Variants in TBL1X observed in about 807,000 individuals in gnomAD.
The protein encoded by TBL1X is F-box-like/WD repeat-containing protein TBL1X.
A neutral mutation model predicts 50.7 loss-of-function variants in TBL1X; 10 were observed. The ratio of observed to expected loss-of-function variants is 0.20; its 90% CI spans 0.12 to 0.33. The LOEUF is 0.33. TBL1X is among the 10% of genes least tolerant of loss of function. The pLI is 1.00. For missense variants in TBL1X, 340 were observed against 504.4 expected (o/e 0.67, Z 3.12); for synonymous variants, 190 against 214.7 (o/e 0.88, Z 1.01).
intron 2 of TBL1X, among the ~76,000 whole-genome samples, chrX:9,547,648 C>T (rs748814948): frequency 1.8e-5 from 2 of 110,247 alleles, no homozygotes; most frequent in East Asian, 2.8e-4. Flanking sequence ...TTTCTGGGAC[C>T]GGAAGAGGTT....
intron 2 of TBL1X, among the ~76,000 whole-genome samples, chrX:9,576,276 G>T (rs1003069724): frequency 2.7e-5 from 3 of 112,250 alleles, no homozygotes; most frequent in African/African-American, 9.7e-5. Flanking sequence ...GGCCACGTCA[G>T]TGTGTCTCTG....
intron 2 of TBL1X, among the ~76,000 whole-genome samples, chrX:9,521,024 G>A (rs2082104271): frequency 9.0e-6 from 1 of 111,538 alleles, no homozygotes; most frequent in South Asian, 3.8e-4. Flanking sequence ...CTTGACCCCA[G>A]GAGTTGGAGG....
intron 1 of TBL1X, among the ~76,000 whole-genome samples, chrX:9,487,542 G>C (rs1257300449): frequency 2.7e-5 from 3 of 112,204 alleles, no homozygotes; most frequent in Non-Finnish European, 1.9e-5. Context: ...TCTGAGATAA[G>C]TCAGCCAGAG....
At chrX:9,633,903 A>G (rs2082733293) in intron 2 of TBL1X, among the ~76,000 whole-genome samples, 1 of 111,552 alleles carries the variant, frequency 9.0e-6, no homozygotes, top group Non-Finnish European at 1.9e-5. Context: ...ACACCTGGAC[A>G]AGTCCATTAG....
intron 2 of TBL1X, among the ~76,000 whole-genome samples, chrX:9,550,842 C>T (rs2082267276): frequency 9.0e-6 from 1 of 111,281 alleles, no homozygotes; most frequent in South Asian, 3.8e-4. Flanking sequence ...CCTTGGGGGA[C>T]ATTTGGCAGC....
chrX:9,502,226 C>T (rs137894316), intron 2 of TBL1X, among the ~76,000 whole-genome samples: 2,594 of 112,607 alleles, frequency 0.023, 69 homozygotes, highest in African/African-American at 0.078. Context: ...GTAACTTCAC[C>T]TGTTTTCTTT....
intron 2 of TBL1X, among the ~76,000 whole-genome samples, chrX:9,506,043 A>G (rs903633835): frequency 1.8e-5 from 2 of 112,265 alleles, no homozygotes; most frequent in Non-Finnish European, 3.8e-5. Flanking sequence ...TCAACCACAC[A>G]ATTGGAAGTA....
At chrX:9,553,643 A>G (rs1478222865) in intron 2 of TBL1X, among the ~76,000 whole-genome samples, 2 of 111,639 alleles carry the variant, frequency 1.8e-5, no homozygotes, top group African/African-American at 6.5e-5. Context: ...TTGCAATGAG[A>G]AGCGACAGCC....
At chrX:9,511,999 T>C (rs2082058191) in intron 2 of TBL1X, among the ~76,000 whole-genome samples, 1 of 111,675 alleles carries the variant, frequency 9.0e-6, no homozygotes, top group Non-Finnish European at 1.9e-5. Flanking sequence ...TAGTTGGGAT[T>C]ACAGACACAT....
In TBL1X at chrX:9,653,763, C is replaced by T. The variant is rs1404072289; in HGVS notation, c.103+74C>T. ...GTGTTGACATGGCCGCGGGTGTACT[C>T]GGTCACCTCTCCATGTGTCCAGAAA... On this transcript the variant is annotated intron_variant, in intron 4 of 17. Transcript: ENST00000645353. 10 of 930,644 alleles carry T rather than the reference C, an allele frequency of 1.1e-5. No individual in the cohort carries two copies. In the East Asian group the frequency reaches 2.7e-4, roughly 25 times the overall value. 76.7% of individuals were successfully genotyped at this position (930,644 alleles called of 1,213,427 possible).
rs2083284524 is a variant in TBL1X at position 9,717,210 on chromosome X, A to G, written c.*964A>G. On this transcript the variant is annotated 3_prime_UTR_variant, in exon 18 of 18. Transcript: ENST00000645353. ...GCAGGGGGGCTTTTTACAGGAGAAA[A>G]AAAAATGACTTATAAGAGAAAGAGC... 9.0e-6 allele frequency: 1 copy of G among 111,368 alleles called. No homozygotes were observed. The allele number at this position is 111,368 out of a possible 1,213,427, so 9.2% of individuals were successfully genotyped here.
intron 7 of TBL1X, among the ~76,000 whole-genome samples, chrX:9,691,062 A>G (rs2083093353): frequency 8.9e-6 from 1 of 111,927 alleles, no homozygotes; most frequent in South Asian, 3.7e-4. Flanking sequence ...TTTATTCCTC[A>G]ATGAAATTTA....
intron 2 of TBL1X, among the ~76,000 whole-genome samples, chrX:9,601,990 G>A (rs1808100923): frequency 8.9e-6 from 1 of 111,868 alleles, no homozygotes; most frequent in African/African-American, 3.2e-5. Flanking sequence ...GTTGCAGTGA[G>A]CCGAGATTGC....
chrX:9,607,437 C>T (rs1192076024), intron 2 of TBL1X, among the ~76,000 whole-genome samples: 2 of 113,368 alleles, frequency 1.8e-5, no homozygotes, highest in African/African-American at 3.2e-5. Flanking sequence ...GCACTTGCAT[C>T]GCCTGGAAAC....
At chrX:9,503,552 C>A (rs896341437) in intron 2 of TBL1X, among the ~76,000 whole-genome samples, 1 of 113,158 alleles carries the variant, frequency 8.8e-6, no homozygotes, top group Non-Finnish European at 1.9e-5. Context: ...AGGGTGGCAC[C>A]CATTTCTGTA....
intron 2 of TBL1X, among the ~76,000 whole-genome samples, chrX:9,539,228 G>A (rs911186294): frequency 8.9e-6 from 1 of 111,772 alleles, no homozygotes; most frequent in African/African-American, 3.2e-5. Flanking sequence ...TATGAAGGTC[G>A]TAGGTACAAT....
chrX:9,689,036 G>A lies in TBL1X; in HGVS notation c.616+761G>A, dbSNP rs188218037. The stretch of plus-strand genomic sequence containing the variant: ...TATGTGTGCGTGTGTGCGTGTGTGC[G>A]TGCACGCGTATATGCGTGTGCGCAC... On this transcript the variant is annotated intron_variant, in intron 7 of 17. Transcript: ENST00000645353. Among the ~76,000 whole-genome samples, 22 of 113,655 alleles carry A rather than the reference G, an allele frequency of 1.9e-4. No individual in the cohort carries two copies. The East Asian group carries it at 3.9e-3, about 20-fold the overall frequency.
At chrX:9,563,238 G>A (rs889505469) in intron 2 of TBL1X, among the ~76,000 whole-genome samples, 4 of 112,642 alleles carry the variant, frequency 3.6e-5, no homozygotes, top group Admixed American at 1.9e-4. Flanking sequence ...TTACTGTTCC[G>A]TGAGGAACCT....
intron 1 of TBL1X, among the ~76,000 whole-genome samples, chrX:9,474,998 C>T (rs1245307892): frequency 6.3e-5 from 7 of 111,747 alleles, no homozygotes; most frequent in Non-Finnish European, 9.4e-5. Flanking sequence ...CTCAGCCTCC[C>T]GAGTTGCTGG....
Sources: gnomAD v4.1 joint callset for allele counts (sites outside exome capture counted in the v4.1 genomes callset) on GRCh38, gnomAD v4.1.1 for gene constraint, MANE v1.5 for transcripts, NCBI Gene and HGNC (gene_info 2026-07-23, HGNC 2026-07-21) for gene names.